The following RAI2 variants were observed in gnomAD, a reference collection of about 807,000 sequenced individuals.
RAI2 encodes the protein retinoic acid-induced protein 2.
A neutral mutation model predicts 15.3 loss-of-function variants in RAI2; 5 were observed. The observed-to-expected ratio is 0.33, with a 90% CI of 0.17 to 0.69. The LOEUF is 0.69. Among genes scored for constraint, RAI2 ranks in the 30% least tolerant of loss-of-function variants. The pLI is 0.69. For synonymous variants in RAI2, 191 were observed against 184.0 expected, an observed-to-expected ratio of 1.04 and a Z score of -0.31; for missense variants, 424 against 424.7, an observed-to-expected ratio of 1.00 and a Z score of 0.01.
intron 1 of RAI2, among the ~76,000 whole-genome samples, chrX:17,815,740 T>C (rs1003396008): frequency 4.5e-5 from 5 of 111,399 alleles, no homozygotes; most frequent in African/African-American, 1.6e-4. Flanking sequence ...GCAAAAGTAA[T>C]TGCGGTTTTT....
intron 1 of RAI2, among the ~76,000 whole-genome samples, chrX:17,831,225 T>G (rs2067279112): frequency 8.9e-6 from 1 of 111,958 alleles, no homozygotes; most frequent in Non-Finnish European, 1.9e-5. Flanking sequence ...ATCTGTGTGA[T>G]AGCTGGTAGA....
In RAI2 at chrX:17,805,345, T is replaced by C. The variant is rs1355029023; in HGVS notation, c.-24-3311A>G. Among the ~76,000 whole-genome samples the C allele has an allele frequency of 2.7e-5, 3 of 113,047 alleles. No individual in the cohort carries two copies. In the East Asian group the frequency reaches 8.4e-4, roughly 32 times the overall value. The stretch of plus-strand genomic sequence containing the variant: ...AAAGTCATTGAACTGTTGTTCTTTT[T>C]TCCCCCACAAGGGGCCTCGTCTGTC... On this transcript the variant is annotated intron_variant, in intron 1 of 1. Transcript: ENST00000451717.
intron 1 of RAI2, among the ~76,000 whole-genome samples, chrX:17,825,299 GT>G (rs1178902542): frequency 2.9e-4 from 33 of 112,771 alleles, no homozygotes; most frequent in Middle Eastern, 4.6e-3. Flanking sequence ...CCAAGTGTAA[GT>G]TTCTATATGC....
At chrX:17,831,084 G>A (rs2147251597) in intron 1 of RAI2, among the ~76,000 whole-genome samples, 1 of 111,630 alleles carries the variant, frequency 9.0e-6, no homozygotes, top group Admixed American at 9.5e-5. Flanking sequence ...CTGGGCTGAG[G>A]AAGGCAAGAA....
rs1409911959 is a variant in RAI2, at chrX:17,800,692, A to G, written c.1319T>C (p.Ile440Thr). The change falls in exon 2 of 2, where the codon ATT becomes ACT. Residue 440 changes from isoleucine to threonine, a missense_variant. Ile to Thr is a moderately conservative substitution (Grantham distance 89). Transcript: ENST00000451717. ...AGGCACAGCATCTTCGACAGAGACA[A>G]TGACCTTGGCCGCCTGGGACTCGCC... ...MVGESQAAKV[I>T]VSVEDAVPTI... The G allele has an allele frequency of 5.0e-6, 6 of 1,209,515 alleles. No homozygotes were observed. In the Admixed American group the frequency reaches 6.6e-5, roughly 13 times the overall value.
At chrX:17,805,472 C>T (rs2066967887) in intron 1 of RAI2, among the ~76,000 whole-genome samples, 1 of 112,606 alleles carries the variant, frequency 8.9e-6, no homozygotes, top group Admixed American at 9.3e-5. Context: ...TCTCAGCCTA[C>T]TTCTGGTTAC....
chrX:17,837,089 C>T (rs1482593844), intron 1 of RAI2, among the ~76,000 whole-genome samples: 1 of 111,864 alleles, frequency 8.9e-6, no homozygotes, highest in Non-Finnish European at 1.9e-5. Context: ...GAGCCTCTTG[C>T]TTGTCCTGTG....
chrX:17,859,869 A>C (rs1466026559), intron 1 of RAI2, among the ~76,000 whole-genome samples: 1 of 112,120 alleles, frequency 8.9e-6, no homozygotes, highest in South Asian at 3.7e-4. Flanking sequence ...CAGCAGCCAC[A>C]TACCCGATAT....
At chrX:17,842,369 G>A (rs1458120414) in intron 1 of RAI2, among the ~76,000 whole-genome samples, 1 of 111,391 alleles carries the variant, frequency 9.0e-6, no homozygotes, top group East Asian at 2.8e-4. Flanking sequence ...GTAATATGAG[G>A]ATAAACTGTC....
intron 1 of RAI2, among the ~76,000 whole-genome samples, chrX:17,852,479 T>C (rs895133593): frequency 2.7e-5 from 3 of 111,766 alleles, no homozygotes; most frequent in Non-Finnish European, 5.6e-5. Flanking sequence ...CCCATATCAC[T>C]CTCAGAGGCT....
At chrX:17,835,716 C>G (rs1028252672) in intron 1 of RAI2, among the ~76,000 whole-genome samples, 1 of 111,720 alleles carries the variant, frequency 9.0e-6, no homozygotes, top group Non-Finnish European at 1.9e-5. Context: ...TTCCTCTGTT[C>G]CCTTTCTTAT....
intron 1 of RAI2, among the ~76,000 whole-genome samples, chrX:17,807,105 G>A (rs995051795): frequency 5.4e-5 from 6 of 110,913 alleles, no homozygotes; most frequent in African/African-American, 1.6e-4. Context: ...ACCAGAGGCC[G>A]GTCTCCCTAG....
At chrX:17,821,238 T>C (rs2067161731) in intron 1 of RAI2, among the ~76,000 whole-genome samples, 1 of 112,193 alleles carries the variant, frequency 8.9e-6, no homozygotes, top group African/African-American at 3.2e-5. Context: ...AATAAACGTG[T>C]GAACTGTCCC....
At chrX:17,843,385 C>G (rs931973253) in intron 1 of RAI2, among the ~76,000 whole-genome samples, 1 of 112,177 alleles carries the variant, frequency 8.9e-6, no homozygotes, top group South Asian at 3.8e-4. Flanking sequence ...CTCATGGCAG[C>G]TTTGACAGTG....
chrX:17,817,889 A>G (rs995927576), intron 1 of RAI2, among the ~76,000 whole-genome samples: 2 of 112,028 alleles, frequency 1.8e-5, no homozygotes, highest in African/African-American at 6.5e-5. Flanking sequence ...TCAAGAACCT[A>G]GGGCCAGCTT....
chrX:17,832,066 A>G (rs1457663764), intron 1 of RAI2, among the ~76,000 whole-genome samples: 4 of 112,312 alleles, frequency 3.6e-5, no homozygotes, highest in African/African-American at 1.3e-4. Context: ...CTCCAGAAGG[A>G]GGGGCAGAGA....
chrX:17,839,342 T>C (rs765006627), intron 1 of RAI2, among the ~76,000 whole-genome samples: 8 of 112,160 alleles, frequency 7.1e-5, no homozygotes, highest in Non-Finnish European at 1.3e-4. Context: ...TGGAACAGTG[T>C]CCATCCTGGG....
At chrX:17,860,222 G>A (rs2067669987) in intron 1 of RAI2, among the ~76,000 whole-genome samples, 1 of 112,247 alleles carries the variant, frequency 8.9e-6, no homozygotes, top group African/African-American at 3.2e-5. Flanking sequence ...GCCAGCAACT[G>A]TGGTGGGATG....
At chrX:17,807,240 C>A (rs1393818190) in intron 1 of RAI2, among the ~76,000 whole-genome samples, 2 of 111,613 alleles carry the variant, frequency 1.8e-5, no homozygotes, top group African/African-American at 6.5e-5. Context: ...CCCACCCTCA[C>A]TGGGCTCCCA....
Sources: gnomAD v4.1 joint callset for allele counts (sites outside exome capture counted in the v4.1 genomes callset) on GRCh38, gnomAD v4.1.1 for gene constraint, MANE v1.5 for transcripts, NCBI Gene and HGNC (gene_info 2026-07-23, HGNC 2026-07-21) for gene names.